GPC6: variants seen among roughly 807,000 people sequenced by gnomAD.
GPC6 encodes the protein glypican-6.
In GPC6, 14 loss-of-function variants were observed where a neutral mutation model predicts 55.2. That is an observed-to-expected ratio of 0.25 (90% CI 0.17 to 0.40). The LOEUF (loss-of-function observed/expected upper bound fraction) is 0.40, where lower values mean the gene tolerates loss of function less well. GPC6 is among the 10% of genes least tolerant of loss of function. The pLI, the probability that GPC6 is intolerant of heterozygous loss-of-function variation, is 1.00. For synonymous variants in GPC6, 278 were observed against 259.6 expected (o/e 1.07, Z -0.68); for missense variants, 641 against 708.5 (o/e 0.90, Z 1.08).
intron 1 of GPC6, among the ~76,000 whole-genome samples, chr13:93,415,432 C>T (rs1450289580): frequency 2.0e-5 from 3 of 151,938 alleles, no homozygotes; most frequent in African/African-American, 7.3e-5. Context: ...GTATGACAAA[C>T]CCTCATTTTC....
At chr13:93,444,041 T>G (rs1417806017) in intron 1 of GPC6, among the ~76,000 whole-genome samples, 1 of 152,196 alleles carries the variant, frequency 6.6e-6, no homozygotes, top group Admixed American at 6.5e-5. Context: ...CTTCACTATA[T>G]TTTGTATTCT....
At chr13:94,254,914 A>G (rs1891460085) in intron 4 of GPC6, among the ~76,000 whole-genome samples, 1 of 152,156 alleles carries the variant, frequency 6.6e-6, no homozygotes, top group African/African-American at 2.4e-5. Context: ...CTTATGCTCT[A>G]AGTTTTTACA....
At chr13:93,687,643 A>T (rs1882098076) in intron 2 of GPC6, among the ~76,000 whole-genome samples, 1 of 152,098 alleles carries the variant, frequency 6.6e-6, no homozygotes, top group African/African-American at 2.4e-5. Flanking sequence ...TGTAAGGCTT[A>T]AACAAATTAA....
At chr13:93,908,512 T>C (rs1025253229) in intron 3 of GPC6, among the ~76,000 whole-genome samples, 5 of 152,196 alleles carry the variant, frequency 3.3e-5, no homozygotes, top group African/African-American at 1.2e-4. Context: ...CCCTTTGTGT[T>C]TGTAGCATTT....
intron 5 of GPC6, among the ~76,000 whole-genome samples, chr13:94,301,902 C>G (rs1875671751): frequency 6.6e-6 from 1 of 152,042 alleles, no homozygotes; most frequent in South Asian, 2.1e-4. Flanking sequence ...GTTTTTTTCC[C>G]TTATTCAAAA....
intron 6 of GPC6, among the ~76,000 whole-genome samples, chr13:94,333,734 AG>A (rs1295284585): frequency 6.6e-6 from 1 of 152,206 alleles, no homozygotes; most frequent in Non-Finnish European, 1.5e-5. Context: ...ACAACTAAGT[AG>A]CAGAGGTAGG....
At chr13:93,842,189 A>C (rs1248078029) in intron 3 of GPC6, among the ~76,000 whole-genome samples, 3 of 152,172 alleles carry the variant, frequency 2.0e-5, no homozygotes, top group African/African-American at 7.2e-5. Flanking sequence ...GCAGAGAACC[A>C]AGCACTTTGC....
At position 94,403,412 on chromosome 13, in the gene GPC6, T is replaced by C. The variant is rs1188500570; in HGVS notation, c.*195T>C. ...GTGCCAGACTGAACTGCTTCCTCTT[T>C]CCTTCAGCTATCTGTGGGGACCTTG... On this transcript the variant is annotated 3_prime_UTR_variant, in exon 9 of 9. Transcript: ENST00000377047. The C allele has an allele frequency of 1.3e-5, 8 of 637,572 alleles. No homozygotes were observed. The highest frequency in any genetic ancestry group is 2.8e-5 in the East Asian group (1 of 35,244). 39.5% of individuals were successfully genotyped at this position (637,572 alleles called of 1,614,324 possible). A position where few individuals can be genotyped will look rare whatever the true frequency, so the allele number is the denominator to read the frequency against.
At chr13:93,457,341 G>A (rs1251203819) in intron 1 of GPC6, among the ~76,000 whole-genome samples, 1 of 152,146 alleles carries the variant, frequency 6.6e-6, no homozygotes, top group Non-Finnish European at 1.5e-5. Context: ...CATTTGGAGT[G>A]ACATATTTCC....
intron 3 of GPC6, among the ~76,000 whole-genome samples, chr13:93,846,084 A>G (rs951486008): frequency 6.6e-6 from 1 of 152,190 alleles, no homozygotes; most frequent in African/African-American, 2.4e-5. Context: ...CCTCCCTTCC[A>G]TTAATGCCCT....
rs565116422 is a variant in GPC6 at position 93,434,783 on chromosome 13, T to G, written c.161-110480T>G. Among the ~76,000 whole-genome samples the G allele has an allele frequency of 3.3e-5, 5 of 152,286 alleles. No homozygotes were observed. In the South Asian group the frequency reaches 8.3e-4, roughly 25 times the overall value. ...GTGCAGTGGCATGATCTCAGCTCAC[T>G]GCAATCCCCACCTCCAGGGTTCAAA... On this transcript the variant is annotated intron_variant, in intron 1 of 8. Transcript: ENST00000377047.
intron 2 of GPC6, among the ~76,000 whole-genome samples, chr13:93,683,429 T>A (rs1183692566): frequency 3.3e-5 from 5 of 152,118 alleles, no homozygotes. Context: ...TCATTTTAAT[T>A]AGGACTTCAT....
At chr13:93,228,710 C>G (rs994870748) in intron 1 of GPC6, among the ~76,000 whole-genome samples, 1 of 152,178 alleles carries the variant, frequency 6.6e-6, no homozygotes, top group East Asian at 1.9e-4. Flanking sequence ...GCGGGCTGCT[C>G]AAACCGGGCA....
At chr13:94,238,501 G>A (rs979685453) in intron 4 of GPC6, among the ~76,000 whole-genome samples, 3 of 152,142 alleles carry the variant, frequency 2.0e-5, no homozygotes, top group East Asian at 3.9e-4. Context: ...CTTTCACCAC[G>A]AGGACTAAGG....
At chr13:93,871,551 C>G (rs1246970737) in intron 3 of GPC6, among the ~76,000 whole-genome samples, 1 of 151,970 alleles carries the variant, frequency 6.6e-6, no homozygotes, top group African/African-American at 2.4e-5. Context: ...TTCACAATAA[C>G]ACTTCACTAT....
chr13:94,178,964 T>G (rs1888890980), intron 4 of GPC6, among the ~76,000 whole-genome samples: 1 of 152,212 alleles, frequency 6.6e-6, no homozygotes, highest in Non-Finnish European at 1.5e-5. Context: ...TCAGCCCTCC[T>G]TCTGCTTATT....
At chr13:94,381,793 G>A (rs1462382842) in intron 6 of GPC6, among the ~76,000 whole-genome samples, 1 of 152,098 alleles carries the variant, frequency 6.6e-6, no homozygotes, top group African/African-American at 2.4e-5. Flanking sequence ...GCTTTTCCTG[G>A]CCATCCATCC....
intron 4 of GPC6, among the ~76,000 whole-genome samples, chr13:94,190,663 C>A (rs1430421404): frequency 2.6e-5 from 4 of 152,120 alleles, no homozygotes; most frequent in Non-Finnish European, 5.9e-5. Flanking sequence ...TATCAATGTT[C>A]AATTTACTAA....
At chr13:93,327,558 G>T (rs116093148) in intron 1 of GPC6, among the ~76,000 whole-genome samples, 2 of 152,078 alleles carry the variant, frequency 1.3e-5, no homozygotes, top group African/African-American at 2.4e-5. Context: ...GTAATGAAAG[G>T]TGCTTAACAT....
Sources: allele counts gnomAD v4.1 joint callset (sites outside exome capture counted in the v4.1 genomes callset), GRCh38; gene constraint gnomAD v4.1.1; transcripts MANE v1.5; gene names NCBI Gene and HGNC (gene_info 2026-07-23, HGNC 2026-07-21).